PRIM1: variants seen among roughly 807,000 people sequenced by gnomAD.
PRIM1 encodes the protein DNA primase small subunit.
In PRIM1, 38 loss-of-function variants were observed where a neutral mutation model predicts 60.2. That is an observed-to-expected ratio of 0.63 (90% CI 0.49 to 0.83). The LOEUF is 0.83. Among genes scored for constraint, PRIM1 ranks in the 40% least tolerant of loss-of-function variants. The pLI is 0.00. For synonymous variants in PRIM1, 158 were observed against 160.2 expected (o/e 0.99, Z 0.10); for missense variants, 388 against 506.2 (o/e 0.77, Z 2.24).
At chr12:56,746,333 T>C (rs1953906661) in intron 4 of PRIM1, 152 bp from the exon 5 acceptor site, 2 of 1,025,882 alleles carry the variant, frequency 1.9e-6, no homozygotes, top group Non-Finnish European at 2.9e-6. Flanking sequence ...CTTTCTTTTT[T>C]AAAAAACTAT....
At chr12:56,745,333 A>C (rs1345200388) in intron 5 of PRIM1, among the ~76,000 whole-genome samples, 5 of 151,362 alleles carry the variant, frequency 3.3e-5, no homozygotes, top group Admixed American at 3.3e-4. Flanking sequence ...GTCACTTGAG[A>C]CCAGGAGGTC....
At chr12:56,736,162 G>A (rs1230068850) in intron 11 of PRIM1, among the ~76,000 whole-genome samples, 5 of 150,348 alleles carry the variant, frequency 3.3e-5, no homozygotes, top group African/African-American at 1.2e-4. Flanking sequence ...GCTGGACGTC[G>A]TGGCGGGCAC....
In PRIM1 at chr12:56,736,298, T is replaced by TAAAAAAAAAAAAAAAAAAAA. The variant is rs756452647; in HGVS notation, c.1145-2073_1145-2054dup. On this transcript the variant is annotated intron_variant, in intron 11 of 12. Transcript: ENST00000338193. ...GGGTGACAGAGTAAGACTCTTTCTC[T>TAAAAAAAAAAAAAAAAAAAA]AAAAAAAAAAAAAAAAAAAAAAAAA... Among the ~76,000 whole-genome samples, 9 of 24,320 alleles carry TAAAAAAAAAAAAAAAAAAAA rather than the reference T, an allele frequency of 3.7e-4. 2 individuals are homozygous for TAAAAAAAAAAAAAAAAAAAA. The highest frequency in any genetic ancestry group is 1.8e-3 in the African/African-American group (8 of 4,442). 16.0% of individuals were successfully genotyped at this position (24,320 alleles called of 152,430 possible). A position where few individuals can be genotyped will look rare whatever the true frequency, so the allele number is the denominator to read the frequency against.
chr12:56,739,015 GAA>G (rs752289312), intron 10 of PRIM1, among the ~76,000 whole-genome samples: 3 of 152,168 alleles, frequency 2.0e-5, no homozygotes, highest in Non-Finnish European at 4.4e-5. Flanking sequence ...ATTATCATAT[GAA>G]AGACTGTGAA....
chr12:56,737,888 T>C (rs979506846), intron 11 of PRIM1, among the ~76,000 whole-genome samples: 1 of 151,974 alleles, frequency 6.6e-6, no homozygotes, highest in African/African-American at 2.4e-5. Context: ...CCATGCCTGG[T>C]TGATTTTTGT....
In PRIM1 at chr12:56,752,230, G is replaced by A. The variant is rs763668000; in HGVS notation, c.69C>T (p.Tyr23=). 9 of 1,603,520 alleles carry A rather than the reference G, an allele frequency of 5.6e-6. No homozygotes were observed. Among genetic ancestry groups the A allele is most frequent in the Admixed American group, 3.4e-5 (2 of 58,682 alleles). ...AGTTGAGCCAGCGATAGTACTGAGAGTAGGGAAAGAGCCTCCGGTAATAAA... is the reference window on the plus strand; with the variant it reads ...AGTTGAGCCAGCGATAGTACTGAGAATAGGGAAAGAGCCTCCGGTAATAAA... ...LKLYYRRLFP[Y]SQYYRWLNYG... The change falls in exon 1 of 13, where the codon TAC becomes TAT. Residue 23 remains tyrosine (Y), a synonymous_variant. Transcript: ENST00000338193.
intron 11 of PRIM1, among the ~76,000 whole-genome samples, chr12:56,736,151 A>G (rs1475137433): frequency 6.6e-6 from 1 of 150,980 alleles, no homozygotes; most frequent in Non-Finnish European, 1.5e-5. Flanking sequence ...TACAAAAATT[A>G]GCTGGACGTC....
chr12:56,733,682 C>T (rs1953801424), intron 12 of PRIM1, among the ~76,000 whole-genome samples: 1 of 151,328 alleles, frequency 6.6e-6, no homozygotes, highest in Admixed American at 6.6e-5. Context: ...CTCTGCCTCC[C>T]CGGTTCAAGC....
At chr12:56,749,443 A>G (rs1156655621) in intron 2 of PRIM1, among the ~76,000 whole-genome samples, 1 of 152,230 alleles carries the variant, frequency 6.6e-6, no homozygotes, top group African/African-American at 2.4e-5. Flanking sequence ...TGGCCCAAGA[A>G]AAAAATGAGA....
At chr12:56,734,391 C>T (rs1372251429) in intron 11 of PRIM1, 146 bp from the exon 12 acceptor site, 2 of 540,064 alleles carry the variant, frequency 3.7e-6, no homozygotes, top group Admixed American at 6.6e-5. Context: ...CTATATTAGT[C>T]ACATTAAAAA....
intron 10 of PRIM1, 130 bp from the exon 11 acceptor site, chr12:56,738,655 G>A (rs939677099): frequency 1.3e-5 from 11 of 875,944 alleles, no homozygotes; most frequent in African/African-American, 5.1e-5. Flanking sequence ...AGGTTCAAGT[G>A]ATTCTTCTGC....
chr12:56,745,064 G>A (rs576770727), intron 5 of PRIM1, among the ~76,000 whole-genome samples: 2 of 148,320 alleles, frequency 1.3e-5, no homozygotes, highest in African/African-American at 2.5e-5. Context: ...CCAAGATAGC[G>A]CCACTGCACT....
In PRIM1 at chr12:56,746,349, T is replaced by C. The variant is rs376133806; in HGVS notation, c.443-168A>G. 132 of 903,546 alleles carry C rather than the reference T, an allele frequency of 1.5e-4. 2 individuals carry two copies. The highest frequency in any genetic ancestry group is 1.4e-3 in the East Asian group (52 of 37,014). 56.0% of individuals were successfully genotyped at this position (903,546 alleles called of 1,614,324 possible). On this transcript the variant is annotated intron_variant, in intron 4 of 12. Coordinates refer to ENST00000338193, the MANE Select transcript of PRIM1 (RefSeq NM_000946.3). ...TTTCTTTTTTAAAAAACTATTTTAT[T>C]AGGCCAGGTGTGGTAGCTCACGCCT...
At chr12:56,736,385 A>G (rs1484847524) in intron 11 of PRIM1, among the ~76,000 whole-genome samples, 1 of 150,840 alleles carries the variant, frequency 6.6e-6, no homozygotes, top group East Asian at 2.0e-4. Flanking sequence ...ACCCAATGGG[A>G]AAATATGATT....
chr12:56,738,733 G>C (rs1953851774), intron 10 of PRIM1, among the ~76,000 whole-genome samples: 1 of 152,128 alleles, frequency 6.6e-6, no homozygotes. Context: ...TGTATTTTTA[G>C]TAGAGACAGG....
chr12:56,740,381 C>A (rs533889801), intron 9 of PRIM1, among the ~76,000 whole-genome samples: 115 of 151,744 alleles, frequency 7.6e-4, no homozygotes, highest in African/African-American at 2.7e-3. Flanking sequence ...CAGATACCCA[C>A]ATGTCAGACA....
chr12:56,738,439 G>A lies in PRIM1; in HGVS notation c.1139C>T (p.Thr380Ile). The change falls in exon 11 of 13, where the codon ACC becomes ATC. Residue 380 changes from threonine (T) to isoleucine (I), a missense_variant. By Grantham distance (89) the Thr-to-Ile change is moderately conservative. This residue lies in a region of PRIM1 where 211 missense variants were observed against 277.9 expected (regional missense o/e 0.76). Transcript: ENST00000338193. ...NEAESDVKHR[T>I]RDYKKTSLAP... The stretch of plus-strand genomic sequence containing the variant: ...GCTTCAAAATATTACCTTACCTCTG[G>A]TTCTATGTTTGACATCAGATTCAGC... 5 of 1,577,934 alleles carry A rather than the reference G, an allele frequency of 3.2e-6. No individual in the cohort carries two copies. Among genetic ancestry groups the A allele is most frequent in the Non-Finnish European group, 3.4e-6 (4 of 1,160,094 alleles).
chr12:56,745,099 T>C, intron 5 of PRIM1, among the ~76,000 whole-genome samples: 1 of 141,406 alleles, frequency 7.1e-6, no homozygotes, highest in East Asian at 2.0e-4. Context: ...AGAGCAAGAC[T>C]CCGTCTCAAA....
chr12:56,746,357 G>A lies in PRIM1; in HGVS notation c.443-176C>T, dbSNP rs574438613. ...TTAAAAAACTATTTTATTAGGCCAG[G>A]TGTGGTAGCTCACGCCTGTAATCCC... On this transcript the variant is annotated intron_variant, in intron 4 of 12. Transcript: ENST00000338193. 51 of 849,656 alleles carry A rather than the reference G, an allele frequency of 6.0e-5. 2 individuals carry two copies. The South Asian group carries it at 6.3e-4, about 11-fold the overall frequency. 52.6% of individuals were successfully genotyped at this position (849,656 alleles called of 1,614,324 possible). A position where few individuals can be genotyped will look rare whatever the true frequency, so the allele number is the denominator to read the frequency against.
Sources: gnomAD v4.1 joint callset for allele counts (sites outside exome capture counted in the v4.1 genomes callset) on GRCh38, gnomAD v4.1.1 for gene constraint, gnomAD v4.1.1 regional missense constraint, MANE v1.5 for transcripts, NCBI Gene and HGNC (gene_info 2026-07-23, HGNC 2026-07-21) for gene names.